The following PCGF6 variants were observed in gnomAD, a reference collection of about 807,000 sequenced individuals.
PCGF6 encodes polycomb group ring finger 6.
A neutral mutation model predicts 45.5 loss-of-function variants in PCGF6; 24 were observed. That is an observed-to-expected ratio of 0.53 (90% CI 0.38 to 0.74). The LOEUF is 0.74. Among genes scored for constraint, PCGF6 ranks in the 30% least tolerant of loss-of-function variants. The pLI, the probability that PCGF6 is intolerant of heterozygous loss-of-function variation, is 0.00. For synonymous variants in PCGF6, 152 were observed against 162.1 expected (o/e 0.94, Z 0.47); for missense variants, 356 against 443.2 (o/e 0.80, Z 1.77).
chr10:103,312,915 C>T (rs1003228502), intron 9 of PCGF6, among the ~76,000 whole-genome samples: 2 of 152,068 alleles, frequency 1.3e-5, no homozygotes, highest in African/African-American at 4.8e-5. Context: ...GAGCCGAGAT[C>T]ACGCCACTGC....
chr10:103,317,977 G>C (rs967109487), intron 8 of PCGF6, among the ~76,000 whole-genome samples: 1 of 150,650 alleles, frequency 6.6e-6, no homozygotes, highest in African/African-American at 2.4e-5. Context: ...GACTGGTCTC[G>C]AACTCCCGAA....
intron 8 of PCGF6, among the ~76,000 whole-genome samples, chr10:103,319,153 C>T (rs996976593): frequency 1.3e-5 from 2 of 152,060 alleles, no homozygotes; most frequent in African/African-American, 4.8e-5. Flanking sequence ...TTTGATCATA[C>T]ATACTCTTCT....
At chr10:103,338,868 CA>C (rs2093268317) in intron 6 of PCGF6, among the ~76,000 whole-genome samples, 1 of 150,868 alleles carries the variant, frequency 6.6e-6, no homozygotes, top group South Asian at 2.1e-4. Context: ...AACTCCGTCT[CA>C]AAAGAAAAAA....
At chr10:103,342,923 C>T (rs2133595127) in intron 6 of PCGF6, among the ~76,000 whole-genome samples, 1 of 152,182 alleles carries the variant, frequency 6.6e-6, no homozygotes, top group Middle Eastern at 3.4e-3. Flanking sequence ...TAACAAATCT[C>T]TTGCCTTTTA....
intron 7 of PCGF6, among the ~76,000 whole-genome samples, chr10:103,332,287 T>C (rs978835404): frequency 3.3e-5 from 5 of 152,046 alleles, no homozygotes; most frequent in Non-Finnish European, 5.9e-5. Flanking sequence ...TACTTTATCT[T>C]TTCTGTTTTT....
intron 8 of PCGF6, among the ~76,000 whole-genome samples, chr10:103,317,540 C>T (rs1349504817): frequency 1.3e-5 from 2 of 151,872 alleles, no homozygotes; most frequent in Non-Finnish European, 2.9e-5. Context: ...ATCTTAGCTG[C>T]TTGGGAAGCT....
chr10:103,313,975 T>A (rs1235923190), intron 9 of PCGF6, among the ~76,000 whole-genome samples: 1 of 152,158 alleles, frequency 6.6e-6, no homozygotes. Flanking sequence ...TTTCTTAGAA[T>A]AATTATGAAG....
intron 6 of PCGF6, among the ~76,000 whole-genome samples, chr10:103,334,897 C>T (rs900111536): frequency 2.0e-5 from 3 of 152,140 alleles, no homozygotes; most frequent in African/African-American, 7.2e-5. Flanking sequence ...ATTAAGCTCA[C>T]AGAGGTCATA....
Position 103,345,096 on chromosome 10 carries a change from G to C in PCGF6, c.710C>G (p.Ser237Cys). ...PQPVPSSKGR[S>C]KKVLESVFRI... ...AAACACTGATTCTAGGACTTTTTTAGATCTTCCTTTGCTTGAAGGGACTGG... is the reference window on the plus strand; with the variant it reads ...AAACACTGATTCTAGGACTTTTTTACATCTTCCTTTGCTTGAAGGGACTGG... Residue 237 changes from serine to cysteine, a missense_variant, in exon 6 of 10, where the codon TCT (serine) becomes TGT (cysteine). Ser to Cys is a moderately radical substitution (Grantham distance 112). Around this residue, in one of 2 missense-constraint regions of PCGF6, gnomAD observed 307 missense variants for 350.1 expected, o/e 0.88. Coordinates refer to ENST00000369847, the MANE Select transcript of PCGF6 (RefSeq NM_001011663.2). 1 of 1,613,000 alleles carries C rather than the reference G, an allele frequency of 6.2e-7. No individual in the cohort carries two copies. Among genetic ancestry groups the C allele is most frequent in the East Asian group, 2.2e-5 (1 of 44,812 alleles).
At chr10:103,327,686 CTTTT>C (rs1258058308) in intron 7 of PCGF6, among the ~76,000 whole-genome samples, 2 of 144,242 alleles carry the variant, frequency 1.4e-5, no homozygotes, top group East Asian at 4.1e-4. Context: ...CTTTTCTTTT[CTTTT>C]TTGAGACAGA....
chr10:103,334,675 G>A (rs966395257), intron 6 of PCGF6, among the ~76,000 whole-genome samples: 1 of 152,088 alleles, frequency 6.6e-6, no homozygotes, highest in Admixed American at 6.6e-5. Flanking sequence ...ATTTTACTCA[G>A]TTTCCTTTTC....
At chr10:103,311,180 C>T (rs1486228855) in intron 9 of PCGF6, among the ~76,000 whole-genome samples, 4 of 152,058 alleles carry the variant, frequency 2.6e-5, no homozygotes, top group Non-Finnish European at 4.4e-5. Flanking sequence ...CTTGCTCTGC[C>T]GTCCAGGCTG....
At chr10:103,321,374 A>C (rs904951402) in intron 8 of PCGF6, among the ~76,000 whole-genome samples, 5 of 152,194 alleles carry the variant, frequency 3.3e-5, no homozygotes, top group Admixed American at 2.6e-4. Context: ...AGGTAACAAA[A>C]TCAACTTAGA....
intron 9 of PCGF6, among the ~76,000 whole-genome samples, chr10:103,308,316 G>A (rs2093144750): frequency 1.3e-5 from 2 of 152,168 alleles, no homozygotes; most frequent in African/African-American, 2.4e-5. Flanking sequence ...AGGTCACAGA[G>A]GTGGAGCTGC....
At chr10:103,316,013 T>TATAGAGAGAGAGAGAG (rs1311416309) in intron 8 of PCGF6, among the ~76,000 whole-genome samples, 1 of 119,502 alleles carries the variant, frequency 8.4e-6, no homozygotes, top group African/African-American at 3.2e-5. Context: ...TATATATATA[T>TATAGAGAGAGAGAGAG]AGAGAGAGAG....
intron 7 of PCGF6, among the ~76,000 whole-genome samples, chr10:103,332,271 G>A (rs1247779134): frequency 1.3e-5 from 2 of 152,056 alleles, no homozygotes; most frequent in Non-Finnish European, 2.9e-5. Context: ...GGAAGCAGTA[G>A]ACTAATACTT....
chr10:103,313,996 C>G (rs1421104876), intron 9 of PCGF6, among the ~76,000 whole-genome samples, 190 bp downstream of exon 9: 2 of 152,044 alleles, frequency 1.3e-5, no homozygotes, highest in Non-Finnish European at 2.9e-5. Context: ...AATAAATAAG[C>G]TAATCTACAT....
chr10:103,311,066 G>C (rs1204715378), intron 9 of PCGF6, among the ~76,000 whole-genome samples: 6 of 152,108 alleles, frequency 3.9e-5, no homozygotes, highest in Non-Finnish European at 5.9e-5. Flanking sequence ...GAACTCCTGG[G>C]GTCAAATGAT....
chr10:103,306,879 G>A (rs992389872), intron 9 of PCGF6, among the ~76,000 whole-genome samples: 1 of 152,122 alleles, frequency 6.6e-6, no homozygotes, highest in Non-Finnish European at 1.5e-5. Context: ...CAAGGCAGGT[G>A]GATCACCTGA....
Sources: allele counts gnomAD v4.1 joint callset (sites outside exome capture counted in the v4.1 genomes callset), GRCh38; gene constraint gnomAD v4.1.1; regional missense constraint gnomAD v4.1.1; transcripts MANE v1.5; gene names NCBI Gene and HGNC (gene_info 2026-07-23, HGNC 2026-07-21).